The following SYMPK variants were observed in gnomAD, a reference collection of about 807,000 sequenced individuals.
SYMPK encodes the protein symplekin.
A neutral mutation model predicts 136.4 loss-of-function variants in SYMPK; 49 were observed. That is an observed-to-expected ratio of 0.36 (90% CI 0.29 to 0.46). SYMPK has a LOEUF of 0.46. Among genes scored for constraint, SYMPK ranks in the 20% least tolerant of loss-of-function variants. The pLI is 1.00. For synonymous variants in SYMPK, 766 were observed against 713.0 expected (o/e 1.07, Z -1.19); for missense variants, 1,365 against 1,690.0 (o/e 0.81, Z 3.37).
chr19:45,815,735 G>A, intron 26 of SYMPK, 38 bp from the exon 27 acceptor site: 2 of 1,602,486 alleles, frequency 1.2e-6, no homozygotes, highest in Non-Finnish European at 1.7e-6. Context: ...CGGGTGGAGG[G>A]CGCGGTCACC....
At chr19:45,857,262 AT>A (rs1283488758) in intron 1 of SYMPK, among the ~76,000 whole-genome samples, 1 of 148,710 alleles carries the variant, frequency 6.7e-6, no homozygotes, top group African/African-American at 2.5e-5. Context: ...ACAAAAAAAT[AT>A]GCCGGGCATG....
chr19:45,842,193 T>TAAATAATG, intron 9 of SYMPK, 57 bp downstream of exon 9: 1 of 1,607,640 alleles, frequency 6.2e-7, no homozygotes. Context: ...TAGTTTAAGG[T>TAAATAATG]AAATAATGAA....
chr19:45,823,280 G>T, intron 20 of SYMPK, 92 bp downstream of exon 20: 1 of 1,314,564 alleles, frequency 7.6e-7, no homozygotes, highest in Non-Finnish European at 1.1e-6. Flanking sequence ...ATGTGCCTCT[G>T]GCTCAACTGC....
intron 10 of SYMPK, among the ~76,000 whole-genome samples, chr19:45,837,573 C>T (rs751424305): frequency 4.8e-5 from 7 of 145,512 alleles, no homozygotes; most frequent in African/African-American, 1.5e-4. Context: ...GCTGAGATCG[C>T]GCCACTGCAC....
At chr19:45,849,496 G>A (rs1971647340) in intron 5 of SYMPK, among the ~76,000 whole-genome samples, 1 of 152,142 alleles carries the variant, frequency 6.6e-6, no homozygotes. Flanking sequence ...AATTTTCACA[G>A]CATACATTAC....
intron 18 of SYMPK, 95 bp downstream of exon 18, chr19:45,825,076 C>T: frequency 2.0e-6 from 3 of 1,491,132 alleles, no homozygotes. Context: ...TCGGGCTTGG[C>T]ACACTCTGAG....
intron 1 of SYMPK, among the ~76,000 whole-genome samples, chr19:45,857,810 T>TA (rs1971869231): frequency 6.6e-6 from 1 of 150,686 alleles, no homozygotes; most frequent in African/African-American, 2.4e-5. Flanking sequence ...TTTTTTTTTT[T>TA]TTTTTTAGAT....
chr19:45,850,074 A>C (rs866140465), intron 5 of SYMPK, among the ~76,000 whole-genome samples: 18 of 152,010 alleles, frequency 1.2e-4, no homozygotes, highest in Middle Eastern at 3.4e-3. Flanking sequence ...AAAACAAAAA[A>C]AAACAACAAC....
intron 18 of SYMPK, among the ~76,000 whole-genome samples, chr19:45,824,688 C>T (rs1970996825): frequency 6.6e-6 from 1 of 152,174 alleles, no homozygotes; most frequent in Non-Finnish European, 1.5e-5. Context: ...ATCTCAGGTG[C>T]TAGTCTGTCA....
intron 3 of SYMPK, among the ~76,000 whole-genome samples, chr19:45,853,440 A>G (rs750845765): frequency 2.6e-5 from 4 of 152,046 alleles, no homozygotes; most frequent in Admixed American, 1.3e-4. Flanking sequence ...CGAGTTTGAG[A>G]CCAGCCTGGT....
At chr19:45,836,041 TG>T (rs1299116135) in intron 10 of SYMPK, among the ~76,000 whole-genome samples, 3 of 152,094 alleles carry the variant, frequency 2.0e-5, no homozygotes, top group African/African-American at 7.2e-5. Context: ...AGAACATCCA[TG>T]GATGTCAGGA....
At chr19:45,824,412 A>C (rs8106626) in intron 18 of SYMPK, among the ~76,000 whole-genome samples, 130,381 of 152,084 alleles carry the variant, frequency 0.86, 55,968 homozygotes, top group East Asian at 0.9. Flanking sequence ...CCTGCCAGAT[A>C]ACTTTTCTGC....
intron 9 of SYMPK, among the ~76,000 whole-genome samples, chr19:45,840,242 G>C (rs541274999): frequency 1.8e-4 from 27 of 150,452 alleles, no homozygotes; most frequent in East Asian, 1.2e-3. Context: ...TTAAACCTGG[G>C]AGGCGGAGGT....
intron 22 of SYMPK, chr19:45,820,502 C>G (rs1228070120): frequency 1.3e-5 from 2 of 152,382 alleles, no homozygotes; most frequent in Non-Finnish European, 2.9e-5. Flanking sequence ...GTAAGCAGCA[C>G]AGAGAGGAAG....
Position 45,858,926 on chromosome 19 carries a change from T to TG in SYMPK, c.-13+4131dup, listed in dbSNP as rs527450223. On this transcript the variant is annotated intron_variant, in intron 1 of 26. Transcript: ENST00000245934. ...ATATTTATAAGTTCCACGAGGACAG[T>TG]GATTTATTTATTTGAAATCATTTTT... is the stretch of plus-strand genomic sequence containing the variant. 5.4e-3 allele frequency among the ~76,000 whole-genome samples: 701 copies of TG among 129,506 alleles called. 2 individuals are homozygous for TG. Among genetic ancestry groups the TG allele is most frequent in the Non-Finnish European group, 8.9e-3 (549 of 61,358 alleles). The allele number at this position is 129,506 out of a possible 152,430, so 85.0% of individuals were successfully genotyped here. A position where few individuals can be genotyped will look rare whatever the true frequency, so the allele number is the denominator to read the frequency against.
chr19:45,835,063 C>G lies in SYMPK; in HGVS notation c.1393+15G>C. On this transcript the variant is annotated intron_variant, in intron 11 of 26. Transcript: ENST00000245934. ...TGCCAATCCCTGGCCCAGGTTAGGG[C>G]CAGGACACACTCACCTGGTCCCAGT... 6.4e-7 allele frequency: 1 copy of G among 1,569,728 alleles called. No homozygotes were observed. Among genetic ancestry groups the G allele is most frequent in the Admixed American group, 1.8e-5 (1 of 54,404 alleles).
chr19:45,824,909 C>A (rs565994163), intron 18 of SYMPK, among the ~76,000 whole-genome samples: 1 of 152,166 alleles, frequency 6.6e-6, no homozygotes, highest in Non-Finnish European at 1.5e-5. Context: ...TTTTTACTGA[C>A]GGGCCCAAGG....
chr19:45,822,491 T>C (rs557094534), intron 21 of SYMPK, among the ~76,000 whole-genome samples: 2 of 152,112 alleles, frequency 1.3e-5, no homozygotes, highest in South Asian at 4.1e-4. Flanking sequence ...GGGGCTGGTG[T>C]GTGGCCAGAT....
chr19:45,818,815 TCCC>T (rs1970815162), intron 22 of SYMPK: 1 of 152,258 alleles, frequency 6.6e-6, no homozygotes, highest in African/African-American at 2.4e-5. Flanking sequence ...TGGGGTCTGT[TCCC>T]CGAGTGGGTG....
Sources: gnomAD v4.1 joint callset for allele counts (sites outside exome capture counted in the v4.1 genomes callset) on GRCh38, gnomAD v4.1.1 for gene constraint, MANE v1.5 for transcripts, NCBI Gene and HGNC (gene_info 2026-07-23, HGNC 2026-07-21) for gene names.